Variants in ABCC3 observed in about 807,000 individuals in gnomAD.
ABCC3 encodes ATP-binding cassette sub-family C member 3.
A neutral mutation model predicts 165.3 loss-of-function variants in ABCC3; 121 were observed. The observed-to-expected ratio is 0.73, with a 90% confidence interval of 0.63 to 0.85. The LOEUF is 0.85. Ranked by LOEUF, ABCC3 falls within the 40% of genes least tolerant of loss-of-function variation. ABCC3 has a pLI of 0.00. For synonymous variants in ABCC3, 733 were observed against 810.1 expected (o/e 0.90, Z 1.62); for missense variants, 1,869 against 1,964.1 (o/e 0.95, Z 0.92).
Position 50,678,238 on chromosome 17 carries a change from C to T in ABCC3, c.3705+19C>T, listed in dbSNP as rs1967867026. 2 of 1,514,216 alleles carry T rather than the reference C, an allele frequency of 1.3e-6. No homozygotes were observed. The highest frequency in any genetic ancestry group is 2.3e-5 in the Admixed American group (1 of 43,876). The allele number at this position is 1,514,216 out of a possible 1,614,324, so 93.8% of individuals were successfully genotyped here. On this transcript the variant is annotated intron_variant, in intron 25 of 30. Transcript: ENST00000285238. Reference sequence around the variant, plus strand: ...CTTGCAGGTATGAAGGGCCTGGACCCCAGGGCAGGGCCACCACTGGGACAG... The same window carrying T: ...CTTGCAGGTATGAAGGGCCTGGACCTCAGGGCAGGGCCACCACTGGGACAG...
intron 8 of ABCC3, 37 bp downstream of exon 8, chr17:50,661,151 G>A: frequency 6.5e-7 from 1 of 1,529,336 alleles, no homozygotes; most frequent in Non-Finnish European, 8.8e-7. Flanking sequence ...GCCCTGCCCT[G>A]GGCAGCAGGG....
At position 50,668,525 on chromosome 17, in the gene ABCC3, G is replaced by T; in HGVS notation, c.1870+8G>T. 6.2e-7 allele frequency: 1 copy of T among 1,610,578 alleles called. No homozygotes were observed. The highest frequency in any genetic ancestry group is 1.1e-5 in the South Asian group (1 of 90,950). ...GAAAGACCATCTCCCCAGGTCTAGA[G>T]AGCCCCTACCTGGGCTGCCTGCCCC... On this transcript the variant is annotated splice_region_variant and intron_variant, in intron 14 of 30. Coordinates refer to ENST00000285238, the MANE Select transcript of ABCC3 (RefSeq NM_003786.4).
At chr17:50,639,099 T>C (rs140401440) in intron 1 of ABCC3, among the ~76,000 whole-genome samples, 7 of 152,170 alleles carry the variant, frequency 4.6e-5, no homozygotes, top group Non-Finnish European at 7.4e-5. Context: ...GTCCTGCACA[T>C]CCATGGGGAA....
chr17:50,657,098 CG>C lies in ABCC3; in HGVS notation c.406del (p.Val136SerfsTer23). On this transcript the variant is annotated frameshift_variant, in exon 4 of 31. Transcript: ENST00000285238. LOFTEE classifies it high-confidence loss of function. ...QYERLQGVQS[S>X]GVLIIFWFLC... ...GAGCGGCTGCAGGGCGTACAGTCTT[CG>C]GGGGTCCTCATTATCTTCTGGTTCC... 1 of 1,614,148 alleles carries C rather than the reference CG, an allele frequency of 6.2e-7. No homozygotes were observed. The highest frequency in any genetic ancestry group is 1.1e-5 in the South Asian group (1 of 91,076).
chr17:50,683,350 TAAAAAAAAA>T (rs1202475371), intron 26 of ABCC3, among the ~76,000 whole-genome samples: 1 of 111,528 alleles, frequency 9.0e-6, no homozygotes, highest in Non-Finnish European at 1.9e-5. Context: ...TCTCAAAAAT[TAAAAAAAAA>T]AAAAAAAAGG....
chr17:50,690,690 C>G (rs573112430), intron 30 of ABCC3, among the ~76,000 whole-genome samples: 2 of 152,236 alleles, frequency 1.3e-5, no homozygotes, highest in African/African-American at 4.8e-5. Context: ...CCAGTGTCAG[C>G]CTCGCTGCAG....
intron 1 of ABCC3, among the ~76,000 whole-genome samples, chr17:50,642,321 G>T (rs1042083384): frequency 6.6e-6 from 1 of 152,202 alleles, no homozygotes; most frequent in Non-Finnish European, 1.5e-5. Flanking sequence ...TGTGTGGGCG[G>T]GTACCCCCTG....
intron 25 of ABCC3, 50 bp downstream of exon 25, chr17:50,678,269 A>T (rs916509498): frequency 6.7e-7 from 1 of 1,503,350 alleles, no homozygotes; most frequent in Non-Finnish European, 8.9e-7. Flanking sequence ...GACAGAAACC[A>T]CACAGGTGTT....
chr17:50,687,623 C>A lies in ABCC3; in HGVS notation c.4368C>A (p.Ile1456=). 6.2e-7 allele frequency: 1 copy of A among 1,614,242 alleles called. No individual in the cohort carries two copies. Among genetic ancestry groups the A allele is most frequent in the East Asian group, 2.2e-5 (1 of 44,892 alleles). The stretch of plus-strand genomic sequence containing the variant: ...TTTTAGACGAGGCCACAGCTGCCAT[C>A]GACCTGGAGACTGACAACCTCATCC... The part of the protein sequence containing the change: ...ILVLDEATAA[I]DLETDNLIQA... Residue 1456 remains isoleucine, a synonymous_variant, in exon 30 of 31, where the codon ATC becomes ATA. Coordinates refer to ENST00000285238, the MANE Select transcript of ABCC3 (RefSeq NM_003786.4).
At chr17:50,672,848 G>A in intron 17 of ABCC3, 123 bp from the exon 18 acceptor site, 3 of 829,234 alleles carry the variant, frequency 3.6e-6, no homozygotes, top group Non-Finnish European at 5.5e-6. Context: ...CTCCAGCCTG[G>A]GTGAGTGAGA....
intron 1 of ABCC3, among the ~76,000 whole-genome samples, chr17:50,647,731 C>T (rs544035267): frequency 3.9e-5 from 6 of 152,266 alleles, no homozygotes; most frequent in Admixed American, 3.3e-4. Context: ...AAGTCTGAAA[C>T]GGGTCTATTT....
intron 23 of ABCC3, 138 bp downstream of exon 23, chr17:50,676,726 T>C: frequency 1.2e-6 from 1 of 821,966 alleles, no homozygotes. Flanking sequence ...GCTTAACATT[T>C]ATGTTAGGGG....
chr17:50,676,471 C>G lies in ABCC3; in HGVS notation c.3261C>G (p.Ile1087Met). Residue 1087 changes from isoleucine (I) to methionine (M), a missense_variant, in exon 23 of 31, where the codon ATC becomes ATG. Transcript: ENST00000285238. ...TTGATGAGGTTCTGGCCCCTGTCAT[C>G]CTCATGCTGCTCAATTCCTTCTTCA... ...YVVDEVLAPV[I>M]LMLLNSFFNA... is the part of the protein sequence containing the mutation. The G allele has an allele frequency of 6.2e-7, 1 of 1,614,206 alleles. No individual in the cohort carries two copies. The highest frequency in any genetic ancestry group is 8.5e-7 in the Non-Finnish European group (1 of 1,180,046).
chr17:50,673,302 C>T, intron 18 of ABCC3, 164 bp downstream of exon 18: 1 of 1,224,202 alleles, frequency 8.2e-7, no homozygotes, highest in Non-Finnish European at 1.1e-6. Context: ...AACTCCCCCA[C>T]CTGCGAGGTT....
At chr17:50,646,550 A>G (rs745559550) in intron 1 of ABCC3, among the ~76,000 whole-genome samples, 3 of 152,216 alleles carry the variant, frequency 2.0e-5, no homozygotes, top group Non-Finnish European at 4.4e-5. Context: ...TTGAGTGCAG[A>G]TAGGAAGGAG....
intron 1 of ABCC3, among the ~76,000 whole-genome samples, chr17:50,647,237 G>A (rs1166790246): frequency 1.3e-5 from 2 of 152,188 alleles, no homozygotes; most frequent in East Asian, 1.9e-4. Flanking sequence ...TCCCTGCCAA[G>A]TCTCAAACAC....
intron 8 of ABCC3, 85 bp from the exon 9 acceptor site, chr17:50,663,596 A>G: frequency 6.7e-7 from 1 of 1,491,500 alleles, no homozygotes; most frequent in South Asian, 1.2e-5. Flanking sequence ...TGCAGTGGAG[A>G]CTGCGGGTAA....
chr17:50,668,428 A>G lies in ABCC3; in HGVS notation c.1783-2A>G. 1 of 1,613,478 alleles carries G rather than the reference A, an allele frequency of 6.2e-7. No individual in the cohort carries two copies. The highest frequency in any genetic ancestry group is 1.1e-5 in the South Asian group (1 of 91,062). On this transcript the variant is annotated splice_acceptor_variant, in intron 13 of 30. Coordinates refer to ENST00000285238, the MANE Select transcript of ABCC3 (RefSeq NM_003786.4). LOFTEE classifies it high-confidence loss of function. ...CTAGGGCTGACTCACATCCTCCCGT[A>G]GGCCAGTGTGTCTCTGAAACGGATC... is the stretch of plus-strand genomic sequence containing the variant.
chr17:50,658,004 C>T, intron 4 of ABCC3, 78 bp from the exon 5 acceptor site: 8 of 1,603,470 alleles, frequency 5.0e-6, no homozygotes, highest in East Asian at 2.2e-5. Context: ...GACTGATGCC[C>T]CAAGGGACTC....
Sources: allele counts gnomAD v4.1 joint callset (sites outside exome capture counted in the v4.1 genomes callset), GRCh38; gene constraint gnomAD v4.1.1; transcripts MANE v1.5; gene names NCBI Gene and HGNC (gene_info 2026-07-23, HGNC 2026-07-21).